The following ADGRF3 variants were observed in gnomAD, a reference collection of about 807,000 sequenced individuals.
ADGRF3 encodes the protein adhesion G protein-coupled receptor F3.
In ADGRF3, 85 loss-of-function variants were observed where a neutral mutation model predicts 93.2. The ratio of observed to expected loss-of-function variants is 0.91; its 90% CI spans 0.77 to 1.09. ADGRF3 has a LOEUF of 1.09. ADGRF3 is among the 50% of genes least tolerant of loss of function. The pLI, the probability that ADGRF3 is intolerant of heterozygous loss-of-function variation, is 0.00. For synonymous variants in ADGRF3, 534 were observed against 532.5 expected (o/e 1.00, Z -0.04); for missense variants, 1,125 against 1,246.2 (o/e 0.90, Z 1.46).
intron 12 of ADGRF3, chr2:26,309,841 C>A (rs550344041): frequency 1.6e-6 from 2 of 1,265,512 alleles, no homozygotes; most frequent in East Asian, 5.1e-5. Flanking sequence ...TAATCAGGAA[C>A]CCAGGACCCT....
At chr2:26,323,803 AT>A (rs200815387) in intron 1 of ADGRF3, among the ~76,000 whole-genome samples, 5,435 of 151,922 alleles carry the variant, frequency 0.036, 142 homozygotes, top group African/African-American at 0.07. Context: ...ATAATTTTGT[AT>A]TTTTAGTAGA....
chr2:26,329,894 C>T (rs1574725006), intron 1 of ADGRF3, among the ~76,000 whole-genome samples: 1 of 152,290 alleles, frequency 6.6e-6, no homozygotes, highest in South Asian at 2.1e-4. Context: ...ATAATTCCAA[C>T]ATCTTTGTCA....
At chr2:26,313,271 A>T (rs1558382664) in intron 8 of ADGRF3, 106 bp downstream of exon 8, 1 of 1,433,850 alleles carries the variant, frequency 7.0e-7, no homozygotes, top group Non-Finnish European at 9.5e-7. Flanking sequence ...GAGAAGCTGA[A>T]CAGCCTGTGG....
At chr2:26,338,588 G>C (rs13001941) in intron 1 of ADGRF3, among the ~76,000 whole-genome samples, 1 of 151,850 alleles carries the variant, frequency 6.6e-6, no homozygotes. Context: ...TCAGCCTCCC[G>C]AGTAGCTTAA....
Position 26,332,499 on chromosome 2 carries a change from G to A in ADGRF3, c.114+13622C>T, listed in dbSNP as rs539715392. 8.5e-5 allele frequency among the ~76,000 whole-genome samples: 13 copies of A among 152,344 alleles called. 1 individual carries two copies. In the South Asian group the frequency reaches 2.7e-3, roughly 32 times the overall value. ...TCACACCTGTAATTCCAGCACTTTG[G>A]GAGGCCAAGGTGGGTAGGTCCCATA... On this transcript the variant is annotated intron_variant, in intron 1 of 13. Transcript: ENST00000651242.
chr2:26,344,035 A>G (rs1195513679), intron 1 of ADGRF3, among the ~76,000 whole-genome samples: 2 of 152,170 alleles, frequency 1.3e-5, no homozygotes, highest in Non-Finnish European at 2.9e-5. Flanking sequence ...GAGTTTGCTT[A>G]TATCTGAACT....
At chr2:26,339,296 G>C (rs1426239041) in intron 1 of ADGRF3, among the ~76,000 whole-genome samples, 1 of 152,024 alleles carries the variant, frequency 6.6e-6, no homozygotes. Context: ...AGGAGTTCGA[G>C]ACCAGCTTGG....
Position 26,310,298 on chromosome 2 carries a change from T to G in ADGRF3, c.2833-61A>C, listed in dbSNP as rs2147859894. On this transcript the variant is annotated intron_variant, in intron 10 of 13. Transcript: ENST00000651242. ...AGGAAGGGATCCACCCGAATCAACA[T>G]GCTCCTTCTGTCCTGTGTAATTCAC... 1.9e-6 allele frequency: 3 copies of G among 1,568,498 alleles called. 1 individual carries two copies. The South Asian group carries it at 3.3e-5, about 17-fold the overall frequency.
At chr2:26,315,907 T>A in intron 4 of ADGRF3, 167 bp from the exon 5 acceptor site, 1 of 1,040,686 alleles carries the variant, frequency 9.6e-7, no homozygotes, top group Non-Finnish European at 1.4e-6. Flanking sequence ...ATGTGGCTGC[T>A]GCAATCCAGC....
chr2:26,316,256 A>G lies in ADGRF3; in HGVS notation c.499+19T>C, dbSNP rs190069943. The G allele has an allele frequency of 6.5e-6, 10 of 1,548,070 alleles. No homozygotes were observed. The East Asian group carries it at 2.4e-4, about 38-fold the overall frequency. On this transcript the variant is annotated intron_variant, in intron 4 of 13. Transcript: ENST00000651242. Reference sequence around the variant, plus strand: ...TTTCACTTAAGGCCATTGGTTTCCAAGTTCCCAACCTTCCTCACCAGGTGG... The same window carrying G: ...TTTCACTTAAGGCCATTGGTTTCCAGGTTCCCAACCTTCCTCACCAGGTGG...
intron 1 of ADGRF3, among the ~76,000 whole-genome samples, chr2:26,341,294 C>G (rs1676383361): frequency 1.3e-5 from 2 of 152,160 alleles, no homozygotes; most frequent in Non-Finnish European, 2.9e-5. Flanking sequence ...AGGAGAATCG[C>G]TTGAACCCAG....
At chr2:26,319,197 T>C (rs1305739261) in intron 1 of ADGRF3, 2 of 785,434 alleles carry the variant, frequency 2.5e-6, no homozygotes, top group African/African-American at 3.5e-5. Flanking sequence ...TGACTCTGAG[T>C]GAAATGGGAA....
intron 1 of ADGRF3, among the ~76,000 whole-genome samples, chr2:26,323,239 G>A (rs1210117153): frequency 1.3e-5 from 2 of 152,134 alleles, no homozygotes; most frequent in African/African-American, 4.8e-5. Context: ...GCTGAATCAG[G>A]TCTTAGGCAA....
intron 1 of ADGRF3, among the ~76,000 whole-genome samples, chr2:26,336,934 G>A (rs1043377258): frequency 2.0e-5 from 3 of 152,064 alleles, no homozygotes; most frequent in Non-Finnish European, 4.4e-5. Context: ...TGAGTGAAGA[G>A]CAAGTGGGAG....
Position 26,313,880 on chromosome 2 carries a change from A to C in ADGRF3, c.952T>G (p.Ser318Ala). Residue 318 changes from serine to alanine, a missense_variant, in exon 7 of 14, where the codon TCT becomes GCT. Transcript: ENST00000651242. Reference sequence around the variant, plus strand: ...TGAACAGCCAGCACAAAGCACTGAGAGCCTGACTCGTTGAAGGAGGAAGCT... The same window carrying C: ...TGAACAGCCAGCACAAAGCACTGAGCGCCTGACTCGTTGAAGGAGGAAGCT... Reference protein sequence around the residue: ...SKASSFNESGSQCFVLAVQRC... With the variant: ...SKASSFNESGAQCFVLAVQRC... The C allele has an allele frequency of 6.2e-7, 1 of 1,614,048 alleles. No homozygotes were observed. Among genetic ancestry groups the C allele is most frequent in the Non-Finnish European group, 8.5e-7 (1 of 1,179,904 alleles).
chr2:26,319,241 A>G (rs1674963678), intron 1 of ADGRF3: 1 of 568,280 alleles, frequency 1.8e-6, no homozygotes, highest in Admixed American at 3.2e-5. Flanking sequence ...TGGAGCCCAC[A>G]TGCCCCAGTG....
In ADGRF3 at chr2:26,312,909, C is replaced by T. The variant is rs767357119; in HGVS notation, c.1449+34G>A. ...TGGGGAGTCTTCAGCCCCCGACTGC[C>T]CAGCTGGCCCCCACTGTGGCTCAGA... On this transcript the variant is annotated intron_variant, in intron 9 of 13. Transcript: ENST00000651242. 3 of 1,568,796 alleles carry T rather than the reference C, an allele frequency of 1.9e-6. No individual in the cohort carries two copies. In the Admixed American group the frequency reaches 5.6e-5, roughly 29 times the overall value.
Position 26,346,298 on chromosome 2 carries a change from G to A in ADGRF3, c.-64C>T, listed in dbSNP as rs1485125613. On this transcript the variant is annotated 5_prime_UTR_variant, in exon 1 of 14. Transcript: ENST00000651242. ...GCTTTGATAAGTACAAGGTACCGCG[G>A]GCCGGCGGATGCCCCTCTCCCTGCT... The A allele has an allele frequency of 1.2e-6, 2 of 1,606,960 alleles. No individual in the cohort carries two copies. Among genetic ancestry groups the A allele is most frequent in the African/African-American group, 1.3e-5 (1 of 74,368 alleles).
chr2:26,309,891 G>C, intron 12 of ADGRF3, 152 bp downstream of exon 12: 1 of 1,541,036 alleles, frequency 6.5e-7, no homozygotes, highest in Non-Finnish European at 8.8e-7. Context: ...TTCCACTGGT[G>C]GGGAGCTGGA....
Sources: allele counts gnomAD v4.1 joint callset (sites outside exome capture counted in the v4.1 genomes callset), GRCh38; gene constraint gnomAD v4.1.1; transcripts MANE v1.5; gene names NCBI Gene and HGNC (gene_info 2026-07-23, HGNC 2026-07-21).